The following MAF variants were observed in gnomAD, a reference collection of about 807,000 sequenced individuals.
MAF encodes MAF bZIP transcription factor, also known as transcription factor Maf.
A neutral mutation model predicts 22.0 loss-of-function variants in MAF; 10 were observed. The observed-to-expected ratio is 0.45, with a 90% CI of 0.28 to 0.77. MAF has a LOEUF of 0.77. Ranked by LOEUF, MAF falls within the 30% of genes least tolerant of loss-of-function variation. The pLI, the probability that MAF is intolerant of heterozygous loss-of-function variation, is 0.12. For synonymous variants in MAF, 337 were observed against 255.8 expected (o/e 1.32, Z -3.03); for missense variants, 544 against 548.4 (o/e 0.99, Z 0.08).
the MAF span, among the ~76,000 whole-genome samples, chr16:79,383,377 G>T: frequency 6.6e-6 from 1 of 151,994 alleles, no homozygotes; most frequent in Non-Finnish European, 1.5e-5. Context: ...AGGAAATAAA[G>T]GAAGAAAACC....
At chr16:79,291,658 C>T in the MAF span, among the ~76,000 whole-genome samples, 21 of 151,474 alleles carry the variant, frequency 1.4e-4, 1 homozygote, top group African/African-American at 4.9e-4. Context: ...ATACAAATGA[C>T]TAGCCAGCTA....
the MAF span, chr16:79,229,560 G>T: frequency 6.6e-6 from 1 of 152,122 alleles, no homozygotes; most frequent in Admixed American, 6.6e-5. Flanking sequence ...TGTGAGCGGG[G>T]ATAAGTGAAG....
the MAF span, among the ~76,000 whole-genome samples, chr16:79,242,848 G>T: frequency 6.6e-6 from 1 of 151,384 alleles, no homozygotes; most frequent in Non-Finnish European, 1.5e-5. Flanking sequence ...AATCTTAACA[G>T]TCTCTCAGAC....
At chr16:79,490,819 C>T in the MAF span, among the ~76,000 whole-genome samples, 55 of 152,308 alleles carry the variant, frequency 3.6e-4, no homozygotes, top group African/African-American at 1.1e-3. Flanking sequence ...CTATTTCTAA[C>T]TGTCCAGGTC....
chr16:79,458,330 G>A, the MAF span, among the ~76,000 whole-genome samples: 1 of 152,094 alleles, frequency 6.6e-6, no homozygotes, highest in East Asian at 1.9e-4. Context: ...TTGGGGACAA[G>A]GACAAGTGGA....
the MAF span, among the ~76,000 whole-genome samples, chr16:79,563,717 T>C: frequency 3.3e-5 from 5 of 151,858 alleles, no homozygotes; most frequent in Non-Finnish European, 5.9e-5. Flanking sequence ...GCTATAGATG[T>C]CTTAATAATT....
At chr16:79,446,145 C>T in the MAF span, among the ~76,000 whole-genome samples, 1 of 152,142 alleles carries the variant, frequency 6.6e-6, no homozygotes, top group Non-Finnish European at 1.5e-5. Context: ...GTTATTTTAT[C>T]TCATTTTCAT....
At chr16:79,317,913 T>C in the MAF span, among the ~76,000 whole-genome samples, 613 of 144,552 alleles carry the variant, frequency 4.2e-3, 2 homozygotes, top group African/African-American at 0.016. Flanking sequence ...CATTCATTCA[T>C]TCACTCACTC....
the MAF span, among the ~76,000 whole-genome samples, chr16:79,446,168 A>T: frequency 6.6e-6 from 1 of 152,198 alleles, no homozygotes. Context: ...ATGGAAGGGG[A>T]TATGTCTCTC....
chr16:79,252,606 G>C, the MAF span, among the ~76,000 whole-genome samples: 58,089 of 151,896 alleles, frequency 0.38, 14,625 homozygotes, highest in African/African-American at 0.73. Context: ...TCTCCTGCCT[G>C]AGCCACCAAG....
chr16:79,480,909 G>T, the MAF span, among the ~76,000 whole-genome samples: 1 of 152,322 alleles, frequency 6.6e-6, no homozygotes, highest in South Asian at 2.1e-4. Context: ...AGATGTGGAT[G>T]AGGAGATGGG....
the MAF span, among the ~76,000 whole-genome samples, chr16:79,320,319 A>G: frequency 2.6e-5 from 4 of 152,236 alleles, no homozygotes; most frequent in African/African-American, 9.6e-5. Flanking sequence ...CTGCTAAAAC[A>G]TCCACCAGAG....
the MAF span, among the ~76,000 whole-genome samples, chr16:79,314,082 C>G: frequency 6.6e-6 from 1 of 152,166 alleles, no homozygotes; most frequent in Non-Finnish European, 1.5e-5. Context: ...TTTTAACATT[C>G]CTAAAACGGG....
At chr16:79,254,828 A>C in the MAF span, among the ~76,000 whole-genome samples, 1 of 152,230 alleles carries the variant, frequency 6.6e-6, no homozygotes, top group Non-Finnish European at 1.5e-5. Flanking sequence ...GTTTCAGAAC[A>C]TAAATACCAG....
chr16:79,471,463 G>C, the MAF span, among the ~76,000 whole-genome samples: 1 of 152,174 alleles, frequency 6.6e-6, no homozygotes, highest in African/African-American at 2.4e-5. Flanking sequence ...TTACAGCTCA[G>C]GCTGGGCAAC....
At chr16:79,279,976 G>A in the MAF span, among the ~76,000 whole-genome samples, 1 of 152,136 alleles carries the variant, frequency 6.6e-6, no homozygotes, top group Admixed American at 6.6e-5. Context: ...AAGTGTTCTC[G>A]ATGCTTTGAT....
At chr16:79,498,737 T>G in the MAF span, among the ~76,000 whole-genome samples, 2 of 152,240 alleles carry the variant, frequency 1.3e-5, no homozygotes, top group Admixed American at 6.5e-5. Context: ...GGAATCCTTG[T>G]ATATAACATA....
the MAF span, among the ~76,000 whole-genome samples, chr16:79,293,700 C>G: frequency 6.6e-6 from 1 of 152,112 alleles, no homozygotes; most frequent in African/African-American, 2.4e-5. Context: ...TGGTGTTCAC[C>G]TAGTAGAAAT....
At chr16:79,321,794 G>A in the MAF span, among the ~76,000 whole-genome samples, 3 of 151,820 alleles carry the variant, frequency 2.0e-5, no homozygotes, top group Non-Finnish European at 4.4e-5. Flanking sequence ...GCGACTACAG[G>A]TGCCCACCAC....
Sources: gnomAD v4.1 joint callset for allele counts (sites outside exome capture counted in the v4.1 genomes callset) on GRCh38, gnomAD v4.1.1 for gene constraint, MANE v1.5 for transcripts, NCBI Gene and HGNC (gene_info 2026-07-23, HGNC 2026-07-21) for gene names.